The following FBXW8 variants were observed in gnomAD, a reference collection of about 807,000 sequenced individuals.
The protein encoded by FBXW8 is F-box/WD repeat-containing protein 8.
A neutral mutation model predicts 65.3 loss-of-function variants in FBXW8; 57 were observed. That is an observed-to-expected ratio of 0.87 (90% CI 0.71 to 1.09). The LOEUF is 1.09. Among genes scored for constraint, FBXW8 ranks in the 50% least tolerant of loss-of-function variants. FBXW8 has a pLI of 0.00. For synonymous variants in FBXW8, 308 were observed against 330.2 expected (o/e 0.93, Z 0.73); for missense variants, 777 against 814.8 (o/e 0.95, Z 0.57).
intron 8 of FBXW8, among the ~76,000 whole-genome samples, chr12:117,022,838 C>T (rs1954132539): frequency 6.6e-6 from 1 of 152,146 alleles, no homozygotes; most frequent in Non-Finnish European, 1.5e-5. Flanking sequence ...TTTTCATCCT[C>T]CTTTACAGAT....
chr12:117,026,420 C>T (rs1432404540), intron 9 of FBXW8, among the ~76,000 whole-genome samples: 17 of 152,088 alleles, frequency 1.1e-4, no homozygotes, highest in Non-Finnish European at 1.5e-5. Flanking sequence ...GCCCTCCCTT[C>T]CCGGGTCTTT....
At chr12:116,988,896 A>G (rs756393522) in intron 7 of FBXW8, 27 bp downstream of exon 7, 24 of 1,577,750 alleles carry the variant, frequency 1.5e-5, no homozygotes, top group Non-Finnish European at 1.2e-5. Context: ...ATATATAATT[A>G]ACAAAAAAGA....
At chr12:116,921,249 T>G (rs1880879075) in intron 1 of FBXW8, among the ~76,000 whole-genome samples, 1 of 152,186 alleles carries the variant, frequency 6.6e-6, no homozygotes, top group South Asian at 2.1e-4. Context: ...GGTTAGATTC[T>G]ATAGTATTAT....
At chr12:116,953,514 G>A (rs1883417850) in intron 4 of FBXW8, among the ~76,000 whole-genome samples, 1 of 152,208 alleles carries the variant, frequency 6.6e-6, no homozygotes, top group Non-Finnish European at 1.5e-5. Flanking sequence ...GCTCACGCCT[G>A]TAATCCCAGC....
intron 6 of FBXW8, chr12:116,985,853 T>C (rs2135670517): frequency 6.5e-6 from 1 of 154,250 alleles, no homozygotes; most frequent in South Asian, 2.0e-4. Context: ...CCCAAGACTG[T>C]CTCACCTGAA....
rs578031660 is a variant in FBXW8, at chr12:117,024,374, G to A, written c.1541+54G>A. Reference sequence around the variant, plus strand: ...GTTCCTAGTAGGAACAGGGAAGGCAGCACTAATCAGCCTGCACCAGGCACG... The same window carrying A: ...GTTCCTAGTAGGAACAGGGAAGGCAACACTAATCAGCCTGCACCAGGCACG... On this transcript the variant is annotated intron_variant, in intron 9 of 10. Transcript: ENST00000652555. 204 of 1,598,074 alleles carry A rather than the reference G, an allele frequency of 1.3e-4. No homozygotes were observed. In the African/African-American group the frequency reaches 2.5e-3, roughly 19 times the overall value.
chr12:116,944,539 C>G (rs1264237813), intron 2 of FBXW8, among the ~76,000 whole-genome samples: 1 of 152,204 alleles, frequency 6.6e-6, no homozygotes, highest in Non-Finnish European at 1.5e-5. Flanking sequence ...TGGCAAGCAT[C>G]AGGCACTTGA....
intron 9 of FBXW8, among the ~76,000 whole-genome samples, chr12:117,026,795 T>G (rs1286708196): frequency 6.6e-6 from 1 of 152,252 alleles, no homozygotes; most frequent in Non-Finnish European, 1.5e-5. Context: ...TTTAATCCAG[T>G]GTCTCCTAGC....
At chr12:116,977,266 T>C (rs1885006000) in intron 5 of FBXW8, among the ~76,000 whole-genome samples, 1 of 152,244 alleles carries the variant, frequency 6.6e-6, no homozygotes, top group Non-Finnish European at 1.5e-5. Context: ...AGTATAATTT[T>C]AAGATTTTTT....
At chr12:116,942,119 A>G (rs1396103471) in intron 2 of FBXW8, among the ~76,000 whole-genome samples, 3 of 151,838 alleles carry the variant, frequency 2.0e-5, no homozygotes, top group Admixed American at 6.6e-5. Context: ...GCCTTGAACT[A>G]CTGGACTGAA....
chr12:116,949,567 T>G (rs750114718), intron 3 of FBXW8, 51 bp from the exon 4 acceptor site: 2 of 1,552,142 alleles, frequency 1.3e-6, no homozygotes, highest in Non-Finnish European at 1.8e-6. Flanking sequence ...TGCTTGGCTT[T>G]CGGGCTGTCC....
intron 8 of FBXW8, among the ~76,000 whole-genome samples, chr12:117,021,547 GTGAT>G (rs1385915818): frequency 6.6e-6 from 1 of 152,176 alleles, no homozygotes; most frequent in Non-Finnish European, 1.5e-5. Context: ...TGTAATATAT[GTGAT>G]TGATAGAGCT....
Position 116,911,195 on chromosome 12 carries a change from C to T in FBXW8, c.158C>T (p.Pro53Leu), listed in dbSNP as rs1011347996. Residue 53 changes from proline (P) to leucine (L), a missense_variant, in exon 1 of 11, where the codon CCG (proline) becomes CTG (leucine). Transcript: ENST00000652555. ...CGCGGCGAACAGGCCTCGGGGGACC[C>T]GGCGCTGGCCCAGCGTCTCCTGGAG... ...SGRGEQASGDPALAQRLLEGA... is the reference protein window; with the variant it reads ...SGRGEQASGDLALAQRLLEGA... 3.9e-6 allele frequency: 5 copies of T among 1,283,580 alleles called. No homozygotes were observed. Among genetic ancestry groups the T allele is most frequent in the Non-Finnish European group, 4.9e-6 (5 of 1,020,840 alleles). 79.5% of individuals were successfully genotyped at this position (1,283,580 alleles called of 1,614,324 possible).
At chr12:117,013,588 A>G (rs1385046081) in intron 8 of FBXW8, among the ~76,000 whole-genome samples, 1 of 151,932 alleles carries the variant, frequency 6.6e-6, no homozygotes, top group African/African-American at 2.4e-5. Context: ...AGCACAGTAT[A>G]TTTTCTATTT....
chr12:116,944,007 T>G (rs756135708), intron 2 of FBXW8, among the ~76,000 whole-genome samples: 3 of 152,192 alleles, frequency 2.0e-5, no homozygotes, highest in Non-Finnish European at 4.4e-5. Flanking sequence ...GATTTGATTT[T>G]TGGGGACCTC....
intron 8 of FBXW8, among the ~76,000 whole-genome samples, chr12:117,014,302 T>C (rs539414670): frequency 2.4e-4 from 37 of 152,342 alleles, no homozygotes; most frequent in Middle Eastern, 6.8e-3. Flanking sequence ...ATATAGTTTC[T>C]GTGTCTCTGC....
rs778548510 is a variant in FBXW8, at chr12:116,988,798, T to C, written c.1168T>C (p.Cys390Arg). 1 of 1,614,108 alleles carries C rather than the reference T, an allele frequency of 6.2e-7. No homozygotes were observed. The highest frequency in any genetic ancestry group is 1.1e-5 in the South Asian group (1 of 91,068). ...LLYAHGPPVT[C>R]LDVSANQVAF... ...TTACGCCCACGGCCCGCCTGTCACA[T>C]GTCTAGACGTCTCGGCCAACCAAGT... The change falls in exon 7 of 11, where the codon TGT (cysteine) becomes CGT (arginine). Residue 390 changes from cysteine to arginine, a missense_variant. By Grantham distance (180) the Cys-to-Arg change is radical (BLOSUM62 -3). Transcript: ENST00000652555.
intron 7 of FBXW8, among the ~76,000 whole-genome samples, chr12:116,995,667 G>T (rs1465931376): frequency 2.6e-5 from 4 of 151,922 alleles, no homozygotes; most frequent in African/African-American, 9.7e-5. Flanking sequence ...AATTAAATTG[G>T]ATTCTTAGGT....
rs532213121 is a variant in FBXW8 at position 117,002,272 on chromosome 12, C to T, written c.1240-8051C>T. ...CAGGCCTTGCCTACCCAGCGCCTGG[C>T]GACGCTCAGCAACACCGTCCCATCC... is the stretch of plus-strand genomic sequence containing the variant. On this transcript the variant is annotated intron_variant, in intron 7 of 10. Coordinates refer to ENST00000652555, the MANE Select transcript of FBXW8 (RefSeq NM_153348.3). 3.0e-4 allele frequency among the ~76,000 whole-genome samples: 46 copies of T among 152,340 alleles called. 2 individuals are homozygous for T. The East Asian group carries it at 4.4e-3, about 15-fold the overall frequency.
Sources: gnomAD v4.1 joint callset for allele counts (sites outside exome capture counted in the v4.1 genomes callset) on GRCh38, gnomAD v4.1.1 for gene constraint, MANE v1.5 for transcripts, NCBI Gene and HGNC (gene_info 2026-07-23, HGNC 2026-07-21) for gene names.